PLCZ1: variants seen among roughly 807,000 people sequenced by gnomAD.
The protein encoded by PLCZ1 is phospholipase C zeta 1.
PLCZ1 carries 64 observed loss-of-function variants against 76.8 expected under a neutral mutation model. The ratio of observed to expected loss-of-function variants is 0.83; its 90% CI spans 0.68 to 1.03. PLCZ1 has a LOEUF of 1.03. Ranked by LOEUF, PLCZ1 falls within the 50% of genes least tolerant of loss-of-function variation. PLCZ1 has a pLI of 0.00. For missense variants in PLCZ1, 751 were observed against 713.7 expected, an observed-to-expected ratio of 1.05 and a Z score of -0.60; for synonymous variants, 248 against 230.8, an observed-to-expected ratio of 1.07 and a Z score of -0.68.
chr12:18,732,675 A>C (rs1959121561), intron 3 of PLCZ1, among the ~76,000 whole-genome samples: 1 of 152,036 alleles, frequency 6.6e-6, no homozygotes, highest in Non-Finnish European at 1.5e-5. Context: ...CTCCTTCTAT[A>C]AGTTTGACTG....
At chr12:18,700,512 C>CAAAGAAAAAAA (rs1955740068) in intron 9 of PLCZ1, among the ~76,000 whole-genome samples, 1 of 67,896 alleles carries the variant, frequency 1.5e-5, no homozygotes, top group Non-Finnish European at 2.5e-5. Context: ...AGCCAACGTA[C>CAAAGAAAAAAA]AAAAAAAAAA....
At chr12:18,647,695 G>T in the PLCZ1 span, among the ~76,000 whole-genome samples, 6 of 152,038 alleles carry the variant, frequency 3.9e-5, no homozygotes, top group Non-Finnish European at 5.9e-5. Context: ...AAACTCTATT[G>T]TGTTAGCAGA....
At chr12:18,655,245 T>A in the PLCZ1 span, among the ~76,000 whole-genome samples, 2 of 152,180 alleles carry the variant, frequency 1.3e-5, no homozygotes, top group African/African-American at 4.8e-5. Context: ...GTAAAGAACC[T>A]GCTTCCAGTG....
chr12:18,691,408 C>A (rs1370733846), intron 12 of PLCZ1, among the ~76,000 whole-genome samples: 2 of 152,040 alleles, frequency 1.3e-5, no homozygotes, highest in Non-Finnish European at 2.9e-5. Context: ...CAATTAAAGA[C>A]TTGAGCATTG....
At chr12:18,701,261 A>G (rs375338328) in intron 9 of PLCZ1, among the ~76,000 whole-genome samples, 6 of 152,178 alleles carry the variant, frequency 3.9e-5, no homozygotes, top group African/African-American at 1.4e-4. Context: ...CTGGGATTAC[A>G]GGCATGAGCC....
intron 9 of PLCZ1, among the ~76,000 whole-genome samples, 169 bp downstream of exon 9, chr12:18,701,332 A>T (rs534933942): frequency 5.9e-5 from 9 of 152,272 alleles, no homozygotes; most frequent in African/African-American, 2.2e-4. Flanking sequence ...GAGGCAATTT[A>T]AAAAATTCAT....
At chr12:18,728,895 C>T (rs1029428929) in intron 3 of PLCZ1, among the ~76,000 whole-genome samples, 3 of 151,920 alleles carry the variant, frequency 2.0e-5, no homozygotes, top group East Asian at 1.9e-4. Context: ...GGAGGACCAA[C>T]TAAAGTAAGA....
At chr12:18,716,179 A>G (rs1395711424) in intron 5 of PLCZ1, among the ~76,000 whole-genome samples, 4 of 151,918 alleles carry the variant, frequency 2.6e-5, no homozygotes, top group Non-Finnish European at 4.4e-5. Flanking sequence ...TGTCTTGCCT[A>G]TTTTATCAAC....
chr12:18,734,576 C>T (rs1273582776), intron 3 of PLCZ1, among the ~76,000 whole-genome samples: 1 of 152,158 alleles, frequency 6.6e-6, no homozygotes, highest in Non-Finnish European at 1.5e-5. Flanking sequence ...GCCTCGAACT[C>T]CTGACCTCAG....
the PLCZ1 span, chr12:18,648,276 G>A: frequency 1.2e-5 from 3 of 260,830 alleles, no homozygotes; most frequent in Non-Finnish European, 2.2e-5. Context: ...AATAATAAAA[G>A]ACCTTTATTA....
chr12:18,673,553 A>C, the PLCZ1 span, among the ~76,000 whole-genome samples: 1 of 152,214 alleles, frequency 6.6e-6, no homozygotes, highest in African/African-American at 2.4e-5. Context: ...CCCACAAAGA[A>C]AAGACCTATT....
At chr12:18,662,185 T>C in the PLCZ1 span, among the ~76,000 whole-genome samples, 2 of 152,100 alleles carry the variant, frequency 1.3e-5, no homozygotes, top group Admixed American at 6.6e-5. Flanking sequence ...TAAGTAGTTA[T>C]GCTATGCTAC....
intron 13 of PLCZ1, 139 bp downstream of exon 13, chr12:18,687,950 A>AT (rs1953412226): frequency 1.8e-6 from 2 of 1,108,432 alleles, no homozygotes; most frequent in Admixed American, 4.9e-5. Flanking sequence ...TGCATATAAC[A>AT]TTTTGCTAAT....
the PLCZ1 span, among the ~76,000 whole-genome samples, chr12:18,660,067 T>A: frequency 6.6e-6 from 1 of 152,140 alleles, no homozygotes; most frequent in Non-Finnish European, 1.5e-5. Context: ...AACAGAACAA[T>A]TACACTGACA....
chr12:18,688,015 C>T, intron 13 of PLCZ1, 74 bp downstream of exon 13: 1 of 1,569,060 alleles, frequency 6.4e-7, no homozygotes, highest in Non-Finnish European at 8.7e-7. Context: ...TACAAAAACT[C>T]TATCAACATA....
At chr12:18,675,357 G>A in the PLCZ1 span, among the ~76,000 whole-genome samples, 7 of 152,072 alleles carry the variant, frequency 4.6e-5, no homozygotes, top group Non-Finnish European at 1.0e-4. Flanking sequence ...TAGGTACATT[G>A]AGACTATACC....
intron 4 of PLCZ1, among the ~76,000 whole-genome samples, chr12:18,720,149 A>G (rs573531939): frequency 1.3e-5 from 2 of 152,098 alleles, no homozygotes; most frequent in South Asian, 2.1e-4. Flanking sequence ...TCAACATTCT[A>G]TTTCAAAGAT....
At chr12:18,737,310 G>C (rs764775933) in intron 2 of PLCZ1, 51 bp downstream of exon 2, 1 of 1,569,408 alleles carries the variant, frequency 6.4e-7, no homozygotes, top group Admixed American at 1.7e-5. Flanking sequence ...AAGTAAAGAG[G>C]ATAAGTAGGA....
chr12:18,722,290 A>G (rs1279883275), intron 4 of PLCZ1, among the ~76,000 whole-genome samples: 1 of 151,980 alleles, frequency 6.6e-6, no homozygotes, highest in Non-Finnish European at 1.5e-5. Flanking sequence ...TTTACTGTCA[A>G]CTTTCCTCCA....
Sources: gnomAD v4.1 joint callset for allele counts (sites outside exome capture counted in the v4.1 genomes callset) on GRCh38, gnomAD v4.1.1 for gene constraint, MANE v1.5 for transcripts, NCBI Gene and HGNC (gene_info 2026-07-23, HGNC 2026-07-21) for gene names.